Variants in TLN1 observed in about 807,000 individuals in gnomAD.
The protein encoded by TLN1 is talin 1, also known as talin-1.
In TLN1, 56 loss-of-function variants were observed where a neutral mutation model predicts 292.3. The observed-to-expected ratio is 0.19, with a 90% confidence interval of 0.15 to 0.24. The LOEUF (loss-of-function observed/expected upper bound fraction) is 0.24. Ranked by LOEUF, TLN1 falls within the 10% of genes least tolerant of loss-of-function variation. The pLI, the probability that TLN1 is intolerant of heterozygous loss-of-function variation, is 1.00. For synonymous variants in TLN1, 1,119 were observed against 1,253.7 expected, an observed-to-expected ratio of 0.89 and a Z score of 2.27; for missense variants, 2,433 against 3,248.2, an observed-to-expected ratio of 0.75 and a Z score of 6.10.
chr9:35,715,777 G>T (rs1356201402), intron 20 of TLN1, among the ~76,000 whole-genome samples: 2 of 152,188 alleles, frequency 1.3e-5, no homozygotes, highest in Non-Finnish European at 2.9e-5. Flanking sequence ...AAAGAAAAAG[G>T]ATCTGGTTGC....
Position 35,714,989 on chromosome 9 carries a change from C to A in TLN1, c.2754+70G>T. On this transcript the variant is annotated intron_variant, in intron 21 of 56. Coordinates refer to ENST00000314888, the MANE Select transcript of TLN1 (RefSeq NM_006289.4). The surrounding 1 kb of genome is among the most constrained non-coding windows in gnomAD (Gnocchi z 4.6). ...GGACGTATTAACTTACTCTCCGCAC[C>A]TCCCTTTCAGTTCATTCCTCCCACA... The A allele has an allele frequency of 6.2e-7, 1 of 1,611,526 alleles. No homozygotes were observed.
intron 25 of TLN1, 56 bp downstream of exon 25, chr9:35,713,897 G>A (rs561145367): frequency 5.6e-6 from 9 of 1,605,280 alleles, no homozygotes; most frequent in South Asian, 3.3e-5. Flanking sequence ...TCTGGGGCAC[G>A]GAGGTGAAGG....
intron 25 of TLN1, 126 bp downstream of exon 25, chr9:35,713,825 AAG>A (rs1825723812): frequency 4.0e-6 from 4 of 1,008,822 alleles, no homozygotes; most frequent in Non-Finnish European, 5.5e-6. Context: ...GAAGAAAGAA[AAG>A]AAAAATAAAA....
intron 48 of TLN1, among the ~76,000 whole-genome samples, chr9:35,700,914 T>C (rs186192621): frequency 1.2e-4 from 18 of 152,364 alleles, no homozygotes; most frequent in Admixed American, 1.1e-3. Context: ...GGATGCTCCC[T>C]GTTCTCATGG....
chr9:35,729,508 G>C (rs1826032317), intron 1 of TLN1, among the ~76,000 whole-genome samples: 1 of 152,184 alleles, frequency 6.6e-6, no homozygotes, highest in Admixed American at 6.5e-5. Flanking sequence ...GAAGCCAAGG[G>C]AGTCTTTGAG....
Position 35,699,270 on chromosome 9 carries a change from G to A in TLN1, c.6874+86C>T. On this transcript the variant is annotated intron_variant, in intron 51 of 56. Transcript: ENST00000314888. This position sits in a 1 kb window ranked among gnomAD's most constrained non-coding sequence, Gnocchi z 4.0. ...GCATCTGTGGGGACTATGGTCAGAGGCTAGCACAGAGCTGTCCAGCCAGGA... is the reference window on the plus strand; with the variant it reads ...GCATCTGTGGGGACTATGGTCAGAGACTAGCACAGAGCTGTCCAGCCAGGA... 1 of 1,562,588 alleles carries A rather than the reference G, an allele frequency of 6.4e-7. No individual in the cohort carries two copies. The highest frequency in any genetic ancestry group is 1.8e-5 in the Admixed American group (1 of 54,080).
chr9:35,708,004 C>A, intron 34 of TLN1, 112 bp from the exon 35 acceptor site: 17 of 1,253,780 alleles, frequency 1.4e-5, no homozygotes, highest in East Asian at 2.4e-5. Flanking sequence ...GGAGTCAAAA[C>A]AGGAATAACA....
In TLN1 at chr9:35,711,731, C is replaced by T. The variant is rs1825672895; in HGVS notation, c.3743G>A (p.Gly1248Glu). The T allele has an allele frequency of 6.2e-7, 1 of 1,614,002 alleles. No homozygotes were observed. The highest frequency in any genetic ancestry group is 8.5e-7 in the Non-Finnish European group (1 of 1,180,030). ...CAGTTCTGTGGCTGCCTGATTCAGC[C>T]CAGCAGCAGCTTCATTCAACCGGCT... ...AQSRLNEAAAGLNQAATELVQ... is the reference protein window; with the variant it reads ...AQSRLNEAAAELNQAATELVQ... Residue 1248 changes from glycine to glutamate, a missense_variant, in exon 29 of 57, where the codon GGG becomes GAG. This residue lies in a region of TLN1 where 1,384 missense variants were observed against 1,699.6 expected (regional missense o/e 0.81). Transcript: ENST00000314888.
Position 35,719,256 on chromosome 9 carries a change from C to T in TLN1, c.1714G>A (p.Ala572Thr), listed in dbSNP as rs746285293. The T allele has an allele frequency of 1.0e-4, 168 of 1,613,816 alleles. No homozygotes were observed. Among genetic ancestry groups the T allele is most frequent in the East Asian group, 4.2e-4 (19 of 44,888 alleles). Residue 572 changes from alanine to threonine, a missense_variant, in exon 16 of 57, where the codon GCA (alanine) becomes ACA (threonine). Ala to Thr is a moderately conservative substitution (Grantham distance 58, BLOSUM62 0). Around this residue, in one of 7 missense-constraint regions of TLN1, gnomAD observed 617 missense variants for 770.6 expected, o/e 0.80. Transcript: ENST00000314888. The surrounding 1 kb of genome is among the most constrained non-coding windows in gnomAD (Gnocchi z 4.6). ...ATTGTGGTGACTGCACAGCCCACTG[C>T]GGTATAGTCTGTCTCAGCAGGGTCC... ...AGDPAETDYT[A>T]VGCAVTTISS...
At chr9:35,711,207 C>T (rs750167385) in intron 30 of TLN1, 48 bp downstream of exon 30, 20 of 1,611,648 alleles carry the variant, frequency 1.2e-5, no homozygotes, top group African/African-American at 2.7e-5. Flanking sequence ...GCCTGCTCCC[C>T]AGTCTCTCTC....
rs756343135 is a variant in TLN1, at chr9:35,719,797, C to G, written c.1521G>C (p.Gln507His). 1 of 1,602,966 alleles carries G rather than the reference C, an allele frequency of 6.2e-7. No homozygotes were observed. Among genetic ancestry groups the G allele is most frequent in the African/African-American group, 1.3e-5 (1 of 74,796 alleles). The stretch of plus-strand genomic sequence containing the variant: ...AGTCATCCAGGGTGGCCTGGGCAGC[C>G]TGCACGGCCTGCATGCTGGAGTTAA... The part of the protein sequence containing the change: ...GTINSSMQAV[Q>H]AAQATLDDFD... The change falls in exon 14 of 57, where the codon CAG (glutamine) becomes CAC (histidine). Residue 507 changes from glutamine to histidine, a missense_variant. By Grantham distance (24) the Gln-to-His change is conservative (BLOSUM62 0). This residue lies in a region of TLN1 where 617 missense variants were observed against 770.6 expected (regional missense o/e 0.80). Coordinates refer to ENST00000314888, the MANE Select transcript of TLN1 (RefSeq NM_006289.4). This position sits in a 1 kb window ranked among gnomAD's most constrained non-coding sequence, Gnocchi z 4.6.
chr9:35,710,513 G>A (rs1825648480), intron 33 of TLN1, 48 bp downstream of exon 33: 2 of 1,586,402 alleles, frequency 1.3e-6, no homozygotes, highest in East Asian at 4.5e-5. Flanking sequence ...GAGAAAATGG[G>A]GTAAAGAAAG....
intron 20 of TLN1, among the ~76,000 whole-genome samples, 155 bp from the exon 21 acceptor site, chr9:35,715,342 G>A (rs1825758546): frequency 6.6e-6 from 1 of 152,250 alleles, no homozygotes; most frequent in African/African-American, 2.4e-5. Context: ...TTTGAGAGGA[G>A]CTGACTCATG....
In TLN1 at chr9:35,710,683, C is replaced by A; in HGVS notation, c.4204G>T (p.Val1402Leu). 6.2e-7 allele frequency: 1 copy of A among 1,614,142 alleles called. No individual in the cohort carries two copies. Among genetic ancestry groups the A allele is most frequent in the South Asian group, 1.1e-5 (1 of 91,080 alleles). ...ATGCCAGTCATGGCCTCGCCCAGCA[C>A]CTGAGGAACAGAGGACATCAGGGGA... is the stretch of plus-strand genomic sequence containing the variant. The part of the protein sequence containing the change: ...CLDSVMENSK[V>L]LGEAMTGISQ... Residue 1402 changes from valine (V) to leucine (L), a missense_variant and splice_region_variant, in exon 33 of 57, where the codon GTG becomes TTG. Transcript: ENST00000314888.
Position 35,707,981 on chromosome 9 carries a change from A to T in TLN1, c.4471-89T>A. The T allele has an allele frequency of 5.5e-6, 8 of 1,454,632 alleles. No individual in the cohort carries two copies. The highest frequency in any genetic ancestry group is 7.6e-6 in the Non-Finnish European group (8 of 1,056,308). The allele number at this position is 1,454,632 out of a possible 1,614,324, so 90.1% of individuals were successfully genotyped here. On this transcript the variant is annotated intron_variant, in intron 34 of 56. Coordinates refer to ENST00000314888, the MANE Select transcript of TLN1 (RefSeq NM_006289.4). The surrounding 1 kb of genome is among the most constrained non-coding windows in gnomAD (Gnocchi z 5.6). ...GCCATTTTAGGGTCAGGGGATGGAG[A>T]GCAATACCCTGAGGAGTCAAAACAG...
At chr9:35,725,780 C>T (rs1175982764) in intron 1 of TLN1, 53 bp from the exon 2 acceptor site, 2 of 1,508,816 alleles carry the variant, frequency 1.3e-6, no homozygotes, top group Non-Finnish European at 1.8e-6. Context: ...GGAGAAGAGG[C>T]CCCCCAGATG....
intron 11 of TLN1, 121 bp downstream of exon 11, chr9:35,720,691 T>C: frequency 9.4e-7 from 1 of 1,063,410 alleles, no homozygotes; most frequent in Non-Finnish European, 1.4e-6. Flanking sequence ...AGAGGCAAGA[T>C]CTCGGCTCAT....
In TLN1 at chr9:35,706,541, G is replaced by A. The variant is rs767125543; in HGVS notation, c.5099C>T (p.Thr1700Ile). The change falls in exon 39 of 57, where the codon ACT (threonine) becomes ATT (isoleucine). Residue 1700 changes from threonine to isoleucine, a missense_variant. Physicochemically the swap from Thr to Ile is moderately conservative, Grantham distance 89. Coordinates refer to ENST00000314888, the MANE Select transcript of TLN1 (RefSeq NM_006289.4). The surrounding 1 kb of genome is among the most constrained non-coding windows in gnomAD (Gnocchi z 4.2). ...CTCTTGGACTGCAGTGAGCATCTGA[G>A]TGTGCAAGGCCTGGGGAGGAAGTGG... ...REGISQEALH[T>I]QMLTAVQEIS... 8.1e-6 allele frequency: 13 copies of A among 1,614,012 alleles called. No individual in the cohort carries two copies. In the South Asian group the frequency reaches 1.1e-4, roughly 14 times the overall value.
Position 35,706,396 on chromosome 9 carries a change from G to A in TLN1, c.5191-30C>T. ...GGCAAGGGGTTGGACTAGGGGTCAG[G>A]TCCCCTCTCTCTCACCCTACTCCCT... On this transcript the variant is annotated intron_variant, in intron 39 of 56. Transcript: ENST00000314888. This position sits in a 1 kb window ranked among gnomAD's most constrained non-coding sequence, Gnocchi z 4.2. The A allele has an allele frequency of 6.2e-7, 1 of 1,612,754 alleles. No individual in the cohort carries two copies.
Sources: allele counts gnomAD v4.1 joint callset (sites outside exome capture counted in the v4.1 genomes callset), GRCh38; gene constraint gnomAD v4.1.1; regional missense constraint gnomAD v4.1.1; non-coding constraint Gnocchi (gnomAD v3.1); transcripts MANE v1.5; gene names NCBI Gene and HGNC (gene_info 2026-07-23, HGNC 2026-07-21).